The following ANKRD12 variants were observed in gnomAD, a reference collection of about 807,000 sequenced individuals.
ANKRD12 encodes ankyrin repeat domain 12, also known as ankyrin repeat domain-containing protein 12.
Under a neutral mutation model 183.4 loss-of-function variants are expected in ANKRD12, and 85 were observed. The observed-to-expected ratio is 0.46, with a 90% CI of 0.39 to 0.56. The LOEUF is 0.56. Among genes scored for constraint, ANKRD12 ranks in the 20% least tolerant of loss-of-function variants. ANKRD12 has a pLI of 0.00. For synonymous variants in ANKRD12, 914 were observed against 800.2 expected (o/e 1.14, Z -2.40); for missense variants, 2,405 against 2,357.1 (o/e 1.02, Z -0.42).
chr18:9,170,053 C>T (rs140655675), intron 1 of ANKRD12, among the ~76,000 whole-genome samples: 2,000 of 152,272 alleles, frequency 0.013, 18 homozygotes, highest in Non-Finnish European at 0.022. Flanking sequence ...CACTCTCTTC[C>T]GGCTTGTAGA....
intron 9 of ANKRD12, 132 bp from the exon 10 acceptor site, chr18:9,263,658 G>A (rs2145307754): frequency 2.0e-6 from 1 of 512,422 alleles, no homozygotes; most frequent in East Asian, 3.5e-5. Flanking sequence ...TCTATAACTA[G>A]TGCTGTATTA....
At chr18:9,142,887 A>G (rs940000494) in intron 1 of ANKRD12, among the ~76,000 whole-genome samples, 7 of 152,208 alleles carry the variant, frequency 4.6e-5, no homozygotes, top group African/African-American at 1.4e-4. Flanking sequence ...GCCTCCAAAA[A>G]AAAAAATTAG....
chr18:9,181,929 A>G (rs1198493565), intron 1 of ANKRD12, among the ~76,000 whole-genome samples: 1 of 152,200 alleles, frequency 6.6e-6, no homozygotes, highest in Non-Finnish European at 1.5e-5. Context: ...AAGAAAATAA[A>G]CTACTCTAGG....
At chr18:9,142,148 G>A (rs1441479030) in intron 1 of ANKRD12, among the ~76,000 whole-genome samples, 1 of 152,194 alleles carries the variant, frequency 6.6e-6, no homozygotes, top group Admixed American at 6.5e-5. Flanking sequence ...CTACATAGGA[G>A]TTTTGTCAGC....
chr18:9,251,158 A>G (rs1204373608), intron 8 of ANKRD12, among the ~76,000 whole-genome samples: 2 of 152,216 alleles, frequency 1.3e-5, no homozygotes, highest in Admixed American at 6.5e-5. Flanking sequence ...AAATGTCAAC[A>G]TGAGAATAGA....
intron 1 of ANKRD12, 50 bp downstream of exon 1, chr18:9,137,015 C>G (rs1361155068): frequency 6.5e-6 from 1 of 152,820 alleles, no homozygotes; most frequent in Non-Finnish European, 1.5e-5. Context: ...GAAGGAGGGG[C>G]GCGGTTTCGA....
rs1271964122 is a variant in ANKRD12, at chr18:9,282,800, C to T, written c.*1674C>T. 1 of 152,232 alleles carries T rather than the reference C, an allele frequency of 6.6e-6. No homozygotes were observed. The highest frequency in any genetic ancestry group is 2.4e-5 in the African/African-American group (1 of 41,322). The allele number at this position is 152,232 out of a possible 1,614,324, so 9.4% of individuals were successfully genotyped here. On this transcript the variant is annotated 3_prime_UTR_variant, in exon 13 of 13. Transcript: ENST00000262126. ...AAGCTTAGGGATTTTTGAATTTTTA[C>T]GTCAGTTTATATTTTAATTCTTACT... is the stretch of plus-strand genomic sequence containing the variant.
chr18:9,279,476 T>G (rs1042592198), intron 11 of ANKRD12, 73 bp from the exon 12 acceptor site: 9 of 903,048 alleles, frequency 1.0e-5, no homozygotes, highest in African/African-American at 8.5e-5. Context: ...GCATATACCA[T>G]AAAAATACTA....
chr18:9,168,676 G>A (rs1413666390), intron 1 of ANKRD12, among the ~76,000 whole-genome samples: 2 of 152,126 alleles, frequency 1.3e-5, no homozygotes, highest in Non-Finnish European at 2.9e-5. Context: ...ACCAGCTCCT[G>A]GATTCATTAA....
intron 3 of ANKRD12, among the ~76,000 whole-genome samples, chr18:9,200,047 C>T (rs2035075173): frequency 6.6e-6 from 1 of 152,100 alleles, no homozygotes; most frequent in African/African-American, 2.4e-5. Flanking sequence ...CTACTGGCAC[C>T]CCAAATCAGC....
Position 9,254,165 on chromosome 18 carries a change from T to C in ANKRD12, c.944-46T>C, listed in dbSNP as rs762038577. Reference sequence around the variant, plus strand: ...GAAAAAAAAATTATTTTTCTGGCAGTTGTGTTTTGTTTGACCCACACCACA... The same window carrying C: ...GAAAAAAAAATTATTTTTCTGGCAGCTGTGTTTTGTTTGACCCACACCACA... On this transcript the variant is annotated intron_variant, in intron 8 of 12. Transcript: ENST00000262126. The C allele has an allele frequency of 2.6e-5, 38 of 1,447,090 alleles. 1 individual carries two copies. Among genetic ancestry groups the C allele is most frequent in the Non-Finnish European group, 3.4e-5 (37 of 1,102,428 alleles). The allele number at this position is 1,447,090 out of a possible 1,614,324, so 89.6% of individuals were successfully genotyped here.
At chr18:9,238,874 C>T (rs1225086264) in intron 8 of ANKRD12, among the ~76,000 whole-genome samples, 2 of 152,180 alleles carry the variant, frequency 1.3e-5, no homozygotes, top group Non-Finnish European at 2.9e-5. Context: ...GTAATCCCAG[C>T]ACTTTGGGAG....
Position 9,255,931 on chromosome 18 carries a change from CA to C in ANKRD12, c.2669del (p.Asn890IlefsTer33). The C allele has an allele frequency of 6.3e-7, 1 of 1,582,862 alleles. No individual in the cohort carries two copies. The highest frequency in any genetic ancestry group is 1.2e-5 in the South Asian group (1 of 83,970). On this transcript the variant is annotated frameshift_variant, in exon 9 of 13. Transcript: ENST00000262126. LOFTEE classifies it high-confidence loss of function. ...EKCHKEGEKS[K>X]NTAAIKKTDD... The stretch of plus-strand genomic sequence containing the variant: ...AATGCCATAAAGAAGGTGAGAAGAG[CA>C]AAAATACTGCTGCTATTAAAAAAAC...
Position 9,216,822 on chromosome 18 carries a change from A to G in ANKRD12, c.717A>G (p.Ala239=). 6.2e-7 allele frequency: 1 copy of G among 1,613,744 alleles called. No individual in the cohort carries two copies. Among genetic ancestry groups the G allele is most frequent in the Non-Finnish European group, 8.5e-7 (1 of 1,179,732 alleles). Residue 239 remains alanine, a synonymous_variant, in exon 7 of 13, where the codon GCA becomes GCG. Transcript: ENST00000262126. ...ACGATGTTGCTAAGATACTTATAGC[A>G]GCTGGAGCAGATGTTAACACACAAG... ...GYYDVAKILI[A]AGADVNTQGL...
At chr18:9,197,004 C>A (rs148720659) in intron 3 of ANKRD12, among the ~76,000 whole-genome samples, 2 of 152,118 alleles carry the variant, frequency 1.3e-5, no homozygotes, top group African/African-American at 4.8e-5. Context: ...TTTTAAATTA[C>A]ATTACTCGGG....
At chr18:9,212,692 C>G (rs1027748291) in intron 6 of ANKRD12, among the ~76,000 whole-genome samples, 1 of 151,576 alleles carries the variant, frequency 6.6e-6, no homozygotes, top group African/African-American at 2.4e-5. Context: ...ATTGCCCCCC[C>G]CAAAATTCTG....
chr18:9,280,872 A>G, intron 12 of ANKRD12, 69 bp from the exon 13 acceptor site: 1 of 1,462,298 alleles, frequency 6.8e-7, no homozygotes, highest in Non-Finnish European at 9.4e-7. Context: ...AAGAAACTGG[A>G]TGAGATTAAT....
Position 9,195,048 on chromosome 18 carries a change from G to A in ANKRD12, c.88-503G>A, listed in dbSNP as rs1051618008. Among the ~76,000 whole-genome samples, 9 of 152,144 alleles carry A rather than the reference G, an allele frequency of 5.9e-5. No homozygotes were observed. The East Asian group carries it at 1.7e-3, about 29-fold the overall frequency. On this transcript the variant is annotated intron_variant, in intron 2 of 12. Coordinates refer to ENST00000262126, the MANE Select transcript of ANKRD12 (RefSeq NM_015208.5). ...TTTTTTGCACAGCAACATGGATGGA[G>A]CTGGAGGCCATAATCCTAAGTGAAC...
At chr18:9,193,822 G>A (rs563392761) in intron 2 of ANKRD12, among the ~76,000 whole-genome samples, 2 of 152,260 alleles carry the variant, frequency 1.3e-5, no homozygotes, top group African/African-American at 2.4e-5. Flanking sequence ...CTCCTGCTAA[G>A]GCAGTGTGGC....
Sources: allele counts gnomAD v4.1 joint callset (sites outside exome capture counted in the v4.1 genomes callset), GRCh38; gene constraint gnomAD v4.1.1; transcripts MANE v1.5; gene names NCBI Gene and HGNC (gene_info 2026-07-23, HGNC 2026-07-21).